NUDT3: variants seen among roughly 807,000 people sequenced by gnomAD.
NUDT3 encodes nudix hydrolase 3, also known as diphosphoinositol polyphosphate phosphohydrolase 1.
NUDT3 carries 9 observed loss-of-function variants against 23.6 expected under a neutral mutation model. The observed-to-expected ratio is 0.38, with a 90% CI of 0.23 to 0.66. The LOEUF (loss-of-function observed/expected upper bound fraction) is 0.66. Among genes scored for constraint, NUDT3 ranks in the 30% least tolerant of loss-of-function variants. The pLI is 0.52. For synonymous variants in NUDT3, 86 were observed against 82.6 expected (o/e 1.04, Z -0.22); for missense variants, 172 against 218.5 (o/e 0.79, Z 1.34).
intron 1 of NUDT3, among the ~76,000 whole-genome samples, chr6:34,387,943 G>A (rs536922075): frequency 7.2e-5 from 11 of 152,108 alleles, no homozygotes; most frequent in African/African-American, 1.7e-4. Context: ...TTTACTCACC[G>A]CTCACTCACT....
intron 1 of NUDT3, among the ~76,000 whole-genome samples, chr6:34,345,130 T>A (rs1435158568): frequency 1.3e-5 from 2 of 149,538 alleles, no homozygotes; most frequent in Non-Finnish European, 3.0e-5. Context: ...CTCACTGCAA[T>A]CTCTGCCTCC....
At chr6:34,347,370 C>A (rs79991931) in intron 1 of NUDT3, among the ~76,000 whole-genome samples, 2 of 152,304 alleles carry the variant, frequency 1.3e-5, no homozygotes, top group East Asian at 1.9e-4. Context: ...AGGTATCAGA[C>A]CTTTTTGAAG....
chr6:34,364,878 G>A (rs895868402), intron 1 of NUDT3, among the ~76,000 whole-genome samples: 3 of 152,076 alleles, frequency 2.0e-5, no homozygotes, highest in South Asian at 2.1e-4. Context: ...AGAATTAGCC[G>A]GGCGCGGTGG....
intron 1 of NUDT3, among the ~76,000 whole-genome samples, chr6:34,367,903 G>A (rs1360869864): frequency 1.3e-5 from 2 of 152,064 alleles, no homozygotes; most frequent in Non-Finnish European, 2.9e-5. Context: ...AGAATGGAGA[G>A]GTTAAAAGCT....
intron 2 of NUDT3, among the ~76,000 whole-genome samples, chr6:34,340,664 C>T (rs1004633771): frequency 2.6e-5 from 4 of 152,216 alleles, no homozygotes; most frequent in Admixed American, 6.5e-5. Context: ...TATACTCTGA[C>T]AATTTCCATT....
chr6:34,375,788 T>C (rs1469351941), intron 1 of NUDT3, among the ~76,000 whole-genome samples: 1 of 152,182 alleles, frequency 6.6e-6, no homozygotes, highest in Non-Finnish European at 1.5e-5. Flanking sequence ...CATCTTACCA[T>C]TCTTCTAACA....
rs1231745024 is a variant in NUDT3, at chr6:34,392,606, C to T, written c.-244G>A. Reference sequence around the variant, plus strand: ...CCGCTGCCGCCAGGGCCGCCGCCCCCTCTGCCGCCGCCACCCCCGACGACG... The same window carrying T: ...CCGCTGCCGCCAGGGCCGCCGCCCCTTCTGCCGCCGCCACCCCCGACGACG... On this transcript the variant is annotated 5_prime_UTR_variant, in exon 1 of 5. Coordinates refer to ENST00000607016, the MANE Select transcript of NUDT3 (RefSeq NM_006703.4). 3.8e-5 allele frequency: 11 copies of T among 291,432 alleles called. No homozygotes were observed. The highest frequency in any genetic ancestry group is 5.7e-5 in the Non-Finnish European group (9 of 158,082). The allele number at this position is 291,432 out of a possible 1,614,324, so 18.1% of individuals were successfully genotyped here.
At position 34,279,784 on chromosome 6, in the gene NUDT3, TAGAA is replaced by T. The variant is rs1248036763; in HGVS notation, c.*8965_*8968del. 2 of 152,208 alleles carry T rather than the reference TAGAA, an allele frequency of 1.3e-5. No individual in the cohort carries two copies. The highest frequency in any genetic ancestry group is 2.9e-5 in the Non-Finnish European group (2 of 68,040). The allele number at this position is 152,208 out of a possible 1,614,324, so 9.4% of individuals were successfully genotyped here. A position where few individuals can be genotyped will look rare whatever the true frequency, so the allele number is the denominator to read the frequency against. ...AAATGGAAGGAAACTGATTAACACA[TAGAA>T]AGGAACGGCAGGCTCACAGGTTTAA... On this transcript the variant is annotated 3_prime_UTR_variant, in exon 5 of 5. Transcript: ENST00000607016.
intron 2 of NUDT3, among the ~76,000 whole-genome samples, chr6:34,337,914 A>G (rs1764232257): frequency 6.6e-6 from 1 of 152,150 alleles, no homozygotes; most frequent in South Asian, 2.1e-4. Context: ...ACTCTCAAAC[A>G]CCATTTTTGC....
chr6:34,347,573 CAT>C (rs1275599133), intron 1 of NUDT3, among the ~76,000 whole-genome samples: 1 of 152,138 alleles, frequency 6.6e-6, no homozygotes, highest in Non-Finnish European at 1.5e-5. Context: ...TGATTAGTGA[CAT>C]GTGTGCAGTG....
At chr6:34,351,198 TAAAAAA>T (rs71000051) in intron 1 of NUDT3, among the ~76,000 whole-genome samples, 278 of 17,886 alleles carry the variant, frequency 0.016, 16 homozygotes, top group African/African-American at 0.039. Flanking sequence ...CTCCCCTGCC[TAAAAAA>T]AAAAAAAAAA....
At chr6:34,387,636 AC>A (rs1335493514) in intron 1 of NUDT3, among the ~76,000 whole-genome samples, 1 of 150,210 alleles carries the variant, frequency 6.7e-6, no homozygotes, top group Admixed American at 6.7e-5. Flanking sequence ...GGAATTCAAG[AC>A]CAGCCTGGGG....
rs1379686265 is a variant in NUDT3, at chr6:34,288,246, A to T, written c.*507T>A. 1 of 152,294 alleles carries T rather than the reference A, an allele frequency of 6.6e-6. No individual in the cohort carries two copies. The highest frequency in any genetic ancestry group is 1.5e-5 in the Non-Finnish European group (1 of 68,086). 9.4% of individuals were successfully genotyped at this position (152,294 alleles called of 1,614,324 possible). ...CTTTCTAGAAGTCATTTATTTACAT[A>T]TTATATGTCCGATATATAATGTGTA... is the stretch of plus-strand genomic sequence containing the variant. On this transcript the variant is annotated 3_prime_UTR_variant, in exon 5 of 5. Coordinates refer to ENST00000607016, the MANE Select transcript of NUDT3 (RefSeq NM_006703.4).
At position 34,331,102 on chromosome 6, in the gene NUDT3, A is replaced by G. The variant is rs1581870297; in HGVS notation, c.210+10760T>C. 2.0e-5 allele frequency among the ~76,000 whole-genome samples: 3 copies of G among 152,240 alleles called. No individual in the cohort carries two copies. In the Middle Eastern group the frequency reaches 0.01, roughly 518 times the overall value. ...ACTCCTGACCTCAAGTGATCCACCC[A>G]CCTTGGGCTCCCAAAGTGCTGGGAT... On this transcript the variant is annotated intron_variant, in intron 2 of 4. Coordinates refer to ENST00000607016, the MANE Select transcript of NUDT3 (RefSeq NM_006703.4).
intron 2 of NUDT3, among the ~76,000 whole-genome samples, chr6:34,329,288 A>G (rs1561908864): frequency 6.6e-6 from 1 of 151,016 alleles, no homozygotes. Flanking sequence ...GAGAACAACC[A>G]TTTTTTTTTG....
At chr6:34,327,326 C>A (rs1002894947) in intron 2 of NUDT3, among the ~76,000 whole-genome samples, 2 of 151,826 alleles carry the variant, frequency 1.3e-5, no homozygotes, top group Non-Finnish European at 2.9e-5. Context: ...GTCAAGAGAT[C>A]GAGACCATCC....
chr6:34,321,187 T>C (rs1763936663), intron 2 of NUDT3, among the ~76,000 whole-genome samples: 1 of 151,870 alleles, frequency 6.6e-6, no homozygotes, highest in African/African-American at 2.4e-5. Context: ...CATGTGAACC[T>C]AGCACTCTGG....
At chr6:34,338,383 A>G (rs1243150460) in intron 2 of NUDT3, among the ~76,000 whole-genome samples, 1 of 152,114 alleles carries the variant, frequency 6.6e-6, no homozygotes, top group East Asian at 1.9e-4. Context: ...AGAGTTAGCT[A>G]CTCTGCCAAC....
chr6:34,392,444 G>T lies in NUDT3; in HGVS notation c.-82C>A. On this transcript the variant is annotated 5_prime_UTR_variant, in exon 1 of 5. Coordinates refer to ENST00000607016, the MANE Select transcript of NUDT3 (RefSeq NM_006703.4). The stretch of plus-strand genomic sequence containing the variant: ...CCGCTCTGGACGGCCGCGTGCGCGC[G>T]CGCCCCCGGCTCGGCCAAGGGAAGC... The T allele has an allele frequency of 1.9e-6, 2 of 1,031,220 alleles. No individual in the cohort carries two copies. Among genetic ancestry groups the T allele is most frequent in the South Asian group, 2.8e-5 (2 of 71,684 alleles). 63.9% of individuals were successfully genotyped at this position (1,031,220 alleles called of 1,614,324 possible). A position where few individuals can be genotyped will look rare whatever the true frequency, so the allele number is the denominator to read the frequency against.
Sources: gnomAD v4.1 joint callset for allele counts (sites outside exome capture counted in the v4.1 genomes callset) on GRCh38, gnomAD v4.1.1 for gene constraint, MANE v1.5 for transcripts, NCBI Gene and HGNC (gene_info 2026-07-23, HGNC 2026-07-21) for gene names.